CTNNA2: variants seen among roughly 807,000 people sequenced by gnomAD.
CTNNA2 encodes catenin alpha 2.
In CTNNA2, 42 loss-of-function variants were observed where a neutral mutation model predicts 101.0. That is an observed-to-expected ratio of 0.42 (90% CI 0.32 to 0.54). CTNNA2 has a LOEUF of 0.54. Among genes scored for constraint, CTNNA2 ranks in the 20% least tolerant of loss-of-function variants. CTNNA2 has a pLI of 0.14. For synonymous variants in CTNNA2, 450 were observed against 456.4 expected (o/e 0.99, Z 0.18); for missense variants, 871 against 1,223.1 (o/e 0.71, Z 4.29).
intron 9 of CTNNA2, among the ~76,000 whole-genome samples, chr2:80,453,261 C>T (rs1683669791): frequency 6.6e-6 from 1 of 152,128 alleles, no homozygotes; most frequent in Middle Eastern, 3.2e-3. Context: ...CTGGTCATTA[C>T]TGGCCATGGT....
At chr2:79,347,178 A>C (rs1236101027) in intron 3 of CTNNA2, among the ~76,000 whole-genome samples, 1 of 152,196 alleles carries the variant, frequency 6.6e-6, no homozygotes, top group Non-Finnish European at 1.5e-5. Flanking sequence ...AAATGGCTCA[A>C]ATTCTTTTTG....
chr2:80,201,499 G>A (rs1442162092), intron 7 of CTNNA2, among the ~76,000 whole-genome samples: 2 of 145,876 alleles, frequency 1.4e-5, no homozygotes, highest in Admixed American at 7.0e-5. Flanking sequence ...TCAGCCTCCC[G>A]AGTAGCTGGG....
At chr2:79,553,127 T>G (rs1674216814) in intron 1 of CTNNA2, among the ~76,000 whole-genome samples, 1 of 152,204 alleles carries the variant, frequency 6.6e-6, no homozygotes, top group Non-Finnish European at 1.5e-5. Flanking sequence ...TGCCCTTGAA[T>G]ATAAGCTCTT....
At chr2:79,444,228 C>T (rs954198226) in intron 4 of CTNNA2, among the ~76,000 whole-genome samples, 2 of 151,970 alleles carry the variant, frequency 1.3e-5, no homozygotes, top group Non-Finnish European at 2.9e-5. Flanking sequence ...CTATTTTAAG[C>T]AAGTAAATTT....
chr2:80,300,947 C>G (rs1419657997), intron 7 of CTNNA2, among the ~76,000 whole-genome samples: 4 of 146,656 alleles, frequency 2.7e-5, no homozygotes, highest in African/African-American at 7.6e-5. Flanking sequence ...ACTCTCAACA[C>G]AGAAAAAAAA....
intron 9 of CTNNA2, among the ~76,000 whole-genome samples, chr2:80,420,571 T>A (rs905896450): frequency 6.6e-6 from 1 of 152,182 alleles, no homozygotes; most frequent in African/African-American, 2.4e-5. Context: ...AGTTCTTTTT[T>A]TTTTCATTTG....
upstream of CTNNA2, among the ~76,000 whole-genome samples, chr2:79,512,751 C>T (rs1046716459): frequency 6.6e-6 from 1 of 151,608 alleles, no homozygotes; most frequent in African/African-American, 2.4e-5. Context: ...GAGCCTGCCG[C>T]GCCTCCAGAG....
chr2:80,286,119 G>T lies in CTNNA2; in HGVS notation c.1057-107092G>T, dbSNP rs1444780354. Among the ~76,000 whole-genome samples, 3 of 152,100 alleles carry T rather than the reference G, an allele frequency of 2.0e-5. No homozygotes were observed. The East Asian group carries it at 5.8e-4, about 29-fold the overall frequency. ...TTCCACTTACCTGCTCATTGTCTAT[G>T]TCCACATGGTCCCTTGAATGCAGGC... On this transcript the variant is annotated intron_variant, in intron 7 of 18. Coordinates refer to ENST00000402739, the MANE Select transcript of CTNNA2 (RefSeq NM_001282597.3).
intron 4 of CTNNA2, among the ~76,000 whole-genome samples, chr2:79,379,199 C>T (rs1244484194): frequency 6.6e-6 from 1 of 152,164 alleles, no homozygotes; most frequent in Non-Finnish European, 1.5e-5. Flanking sequence ...ATTACAAAAT[C>T]ATAGATCCTA....
chr2:79,242,987 T>TACACACACACACACACACAC (rs1409038168), intron 2 of CTNNA2, among the ~76,000 whole-genome samples: 1 of 54,398 alleles, frequency 1.8e-5, no homozygotes, highest in African/African-American at 4.4e-5. Flanking sequence ...TATATATATA[T>TACACACACACACACACACAC]ATATATACAC....
intron 2 of CTNNA2, among the ~76,000 whole-genome samples, chr2:79,666,036 C>T (rs1329415863): frequency 2.6e-5 from 4 of 152,100 alleles, no homozygotes; most frequent in African/African-American, 4.8e-5. Context: ...GTTTTTATCC[C>T]CGAGGGGAAT....
chr2:79,261,425 A>G (rs2104286930), intron 2 of CTNNA2, among the ~76,000 whole-genome samples: 1 of 152,354 alleles, frequency 6.6e-6, no homozygotes, highest in African/African-American at 2.4e-5. Context: ...TCACATATTA[A>G]GATGCAAAGT....
At chr2:80,419,372 A>G (rs1011575749) in intron 8 of CTNNA2, 77 bp from the exon 9 acceptor site, 1 of 1,239,652 alleles carries the variant, frequency 8.1e-7, no homozygotes, top group Non-Finnish European at 1.1e-6. Context: ...GAGAGCTCAA[A>G]AACAGTTTAG....
At chr2:79,364,239 A>G (rs1239436718) in intron 3 of CTNNA2, among the ~76,000 whole-genome samples, 1 of 152,196 alleles carries the variant, frequency 6.6e-6, no homozygotes, top group Non-Finnish European at 1.5e-5. Flanking sequence ...TCACCAAGAC[A>G]AGTATTTGTG....
chr2:79,353,040 G>T (rs1329605816), intron 3 of CTNNA2, among the ~76,000 whole-genome samples: 1 of 152,106 alleles, frequency 6.6e-6, no homozygotes, highest in African/African-American at 2.4e-5. Flanking sequence ...AGATGGTGCT[G>T]AAATATTAGA....
chr2:80,216,238 G>A (rs1222776710), intron 7 of CTNNA2, among the ~76,000 whole-genome samples: 7 of 152,072 alleles, frequency 4.6e-5, no homozygotes, highest in African/African-American at 4.8e-5. Context: ...GCCCTGCTTC[G>A]GCTCACACTG....
At chr2:80,544,626 C>T (rs1301110965) in intron 9 of CTNNA2, among the ~76,000 whole-genome samples, 1 of 152,042 alleles carries the variant, frequency 6.6e-6, no homozygotes, top group African/African-American at 2.4e-5. Flanking sequence ...AGGGTCAGAA[C>T]TGAGTACTGA....
At chr2:80,381,057 C>T (rs992989195) in intron 7 of CTNNA2, among the ~76,000 whole-genome samples, 7 of 152,048 alleles carry the variant, frequency 4.6e-5, no homozygotes, top group African/African-American at 1.7e-4. Context: ...AGAGATAGTA[C>T]TAGTATGACA....
intron 4 of CTNNA2, among the ~76,000 whole-genome samples, chr2:79,466,612 A>G (rs1272074112): frequency 2.0e-5 from 3 of 152,184 alleles, no homozygotes; most frequent in Non-Finnish European, 4.4e-5. Context: ...GAGTAGCCTA[A>G]CTGGGAGGCA....
Sources: allele counts gnomAD v4.1 joint callset (sites outside exome capture counted in the v4.1 genomes callset), GRCh38; gene constraint gnomAD v4.1.1; transcripts MANE v1.5; gene names NCBI Gene and HGNC (gene_info 2026-07-23, HGNC 2026-07-21).